The following UFL1 variants were observed in gnomAD, a reference collection of about 807,000 sequenced individuals.
UFL1 encodes E3 UFM1-protein ligase 1.
In UFL1, 78 loss-of-function variants were observed where a neutral mutation model predicts 99.3. That is an observed-to-expected ratio of 0.79 (90% CI 0.65 to 0.95). The LOEUF is 0.95. Ranked by LOEUF, UFL1 falls within the 40% of genes least tolerant of loss-of-function variation. The pLI is 0.00. For synonymous variants in UFL1, 335 were observed against 322.2 expected (o/e 1.04, Z -0.42); for missense variants, 936 against 937.0 (o/e 1.00, Z 0.01).
chr6:96,540,442 C>T, intron 10 of UFL1, 93 bp from the exon 11 acceptor site: 1 of 1,435,288 alleles, frequency 7.0e-7, no homozygotes, highest in Non-Finnish European at 9.3e-7. Context: ...GCAACAAAAC[C>T]AAACAAGAAT....
At chr6:96,530,308 C>A in intron 6 of UFL1, among the ~76,000 whole-genome samples, 1 of 152,104 alleles carries the variant, frequency 6.6e-6, no homozygotes, top group East Asian at 1.9e-4. Flanking sequence ...GCATGTTATG[C>A]ATAATTTTTC....
chr6:96,553,471 A>G lies in UFL1; in HGVS notation c.2353A>G (p.Lys785Glu). Residue 785 changes from lysine (K) to glutamate (E), a missense_variant, in exon 19 of 19, where the codon AAA becomes GAA. Coordinates refer to ENST00000369278, the MANE Select transcript of UFL1 (RefSeq NM_015323.5). Reference protein sequence around the residue: ...LSSSIKDLVLKSRKSSVTEE With the variant: ...LSSSIKDLVLESRKSSVTEE Reference sequence around the variant, plus strand: ...TTCATCCATTAAAGACCTTGTTCTCAAATCTAGGAAATCATCTGTGACGGA... The same window carrying G: ...TTCATCCATTAAAGACCTTGTTCTCGAATCTAGGAAATCATCTGTGACGGA... The G allele has an allele frequency of 6.2e-7, 1 of 1,613,506 alleles. No individual in the cohort carries two copies. The highest frequency in any genetic ancestry group is 1.3e-5 in the African/African-American group (1 of 75,028).
At chr6:96,526,295 T>C (rs1582436906) in intron 4 of UFL1, 26 bp from the exon 5 acceptor site, 1 of 1,548,772 alleles carries the variant, frequency 6.5e-7, no homozygotes, top group African/African-American at 1.4e-5. Flanking sequence ...TTCTTTTTTC[T>C]ATTATTTTCT....
At position 96,553,217 on chromosome 6, in the gene UFL1, A is replaced by G. The variant is rs1770106826; in HGVS notation, c.2167-68A>G. ...GACCTTCAATGTGTATTAGTTGAAG[A>G]AATTCTACTTTATCTGTTCCACAAA... On this transcript the variant is annotated intron_variant, in intron 18 of 18. Transcript: ENST00000369278. The G allele has an allele frequency of 2.0e-6, 3 of 1,469,782 alleles. No homozygotes were observed. The Admixed American group carries it at 6.0e-5, about 29-fold the overall frequency. The allele number at this position is 1,469,782 out of a possible 1,614,324, so 91.0% of individuals were successfully genotyped here.
At chr6:96,551,950 A>T in intron 17 of UFL1, 27 bp downstream of exon 17, 2 of 1,473,984 alleles carry the variant, frequency 1.4e-6, no homozygotes, top group Non-Finnish European at 1.9e-6. Context: ...CTATATTTGG[A>T]AATGTTCTTA....
chr6:96,537,206 T>G (rs900011878), intron 8 of UFL1, among the ~76,000 whole-genome samples, 168 bp from the exon 9 acceptor site: 2 of 151,854 alleles, frequency 1.3e-5, no homozygotes, highest in Non-Finnish European at 2.9e-5. Flanking sequence ...GATTAGAACT[T>G]TGTTATAACT....
rs1769617688 is a variant in UFL1 at position 96,521,948 on chromosome 6, G to T, written c.75G>T (p.Gln25His). Reference protein sequence around the residue: ...FQRAQFAEATQRLSERNCIEI... With the variant: ...FQRAQFAEATHRLSERNCIEI... ...GGGCGCAGTTCGCCGAGGCCACGCA[G>T]AGGTGCCCGACCCTCCCTCTCCTTT... Residue 25 changes from glutamine to histidine, a missense_variant and splice_region_variant, in exon 1 of 19, where the codon CAG becomes CAT. Coordinates refer to ENST00000369278, the MANE Select transcript of UFL1 (RefSeq NM_015323.5). 1 of 1,611,422 alleles carries T rather than the reference G, an allele frequency of 6.2e-7. No homozygotes were observed. The highest frequency in any genetic ancestry group is 1.7e-5 in the Admixed American group (1 of 59,878).
rs1311046137 is a variant in UFL1, at chr6:96,549,595, T to C, written c.1687+17T>C. The stretch of plus-strand genomic sequence containing the variant: ...TTTTTGCAGGTATACTTAATCTTTG[T>C]TAATCTTGTTTTTTCATTGATTTTC... On this transcript the variant is annotated intron_variant, in intron 14 of 18. Transcript: ENST00000369278. 1 of 1,594,370 alleles carries C rather than the reference T, an allele frequency of 6.3e-7. No individual in the cohort carries two copies. The highest frequency in any genetic ancestry group is 1.4e-5 in the African/African-American group (1 of 73,398).
chr6:96,530,300 A>G lies in UFL1; in HGVS notation c.596+1668A>G, dbSNP rs118166562. Reference sequence around the variant, plus strand: ...CATGTTATACCTATTTGTGTTATGCATGTTATGCATAATTTTTCATATTCA... The same window carrying G: ...CATGTTATACCTATTTGTGTTATGCGTGTTATGCATAATTTTTCATATTCA... On this transcript the variant is annotated intron_variant, in intron 6 of 18. Coordinates refer to ENST00000369278, the MANE Select transcript of UFL1 (RefSeq NM_015323.5). Among the ~76,000 whole-genome samples, 1,381 of 152,284 alleles carry G rather than the reference A, an allele frequency of 9.1e-3. 13 individuals carry two copies. Among genetic ancestry groups the G allele is most frequent in the Non-Finnish European group, 0.014 (960 of 68,016 alleles).
chr6:96,527,458 A>G (rs933384481), intron 5 of UFL1, among the ~76,000 whole-genome samples: 18 of 152,160 alleles, frequency 1.2e-4, no homozygotes, highest in African/African-American at 3.9e-4. Flanking sequence ...AGAAACTCCA[A>G]CTTGCAAAAT....
In UFL1 at chr6:96,523,179, T is replaced by C; in HGVS notation, c.111T>C (p.Asn37=). The C allele has an allele frequency of 6.2e-7, 1 of 1,612,872 alleles. No homozygotes were observed. Among genetic ancestry groups the C allele is most frequent in the South Asian group, 1.1e-5 (1 of 90,768 alleles). ...AGCGGAACTGCATTGAGATTGTTAA[T>C]AAATTGATTGCTCAGAAACAGCTAG... is the stretch of plus-strand genomic sequence containing the variant. The part of the protein sequence containing the change: ...LSERNCIEIV[N]KLIAQKQLEV... The change falls in exon 2 of 19, where the codon AAT becomes AAC. Residue 37 remains asparagine (N), a synonymous_variant. Transcript: ENST00000369278.
In UFL1 at chr6:96,542,924, G is replaced by C; in HGVS notation, c.1310G>C (p.Gly437Ala). The C allele has an allele frequency of 6.3e-7, 1 of 1,597,628 alleles. No homozygotes were observed. The highest frequency in any genetic ancestry group is 2.3e-5 in the East Asian group (1 of 44,096). Residue 437 changes from glycine to alanine, a missense_variant, in exon 12 of 19, where the codon GGG becomes GCG. Physicochemically the swap from Gly to Ala is moderately conservative, Grantham distance 60. Coordinates refer to ENST00000369278, the MANE Select transcript of UFL1 (RefSeq NM_015323.5). ...AGTGGAAGCATGAGAGGAGGAGGTGGGGGCAATGCCAGAGAGTACAAAATT... is the reference window on the plus strand; with the variant it reads ...AGTGGAAGCATGAGAGGAGGAGGTGCGGGCAATGCCAGAGAGTACAAAATT... ...EGSGSMRGGG[G>A]GNAREYKIKK...
chr6:96,531,238 T>C (rs988357906), intron 6 of UFL1, among the ~76,000 whole-genome samples: 1 of 146,122 alleles, frequency 6.8e-6, no homozygotes, highest in Non-Finnish European at 1.5e-5. Flanking sequence ...AACTAGGAGA[T>C]ACATATACAC....
Position 96,535,448 on chromosome 6 carries a change from G to A in UFL1, c.656-796G>A, listed in dbSNP as rs552110723. 4.6e-5 allele frequency among the ~76,000 whole-genome samples: 7 copies of A among 152,090 alleles called. No individual in the cohort carries two copies. The East Asian group carries it at 9.7e-4, about 21-fold the overall frequency. On this transcript the variant is annotated intron_variant, in intron 7 of 18. Coordinates refer to ENST00000369278, the MANE Select transcript of UFL1 (RefSeq NM_015323.5). ...TATTAATGGCAGCACCTTCCGCTTC[G>A]TGGTGGTGGTGATGGTAGTGATATT...
In UFL1 at chr6:96,526,391, G is replaced by T; in HGVS notation, c.421G>T (p.Glu141Ter). 1 of 1,613,480 alleles carries T rather than the reference G, an allele frequency of 6.2e-7. No individual in the cohort carries two copies. The highest frequency in any genetic ancestry group is 8.5e-7 in the Non-Finnish European group (1 of 1,179,778). ...AGAAAGTGGTCAGGTCACCATATCA[G>T]AACTGTGTAAAACTTATGATCTTCC... ...LQESGQVTIS[E>*]LCKTYDLPGN... The change falls in exon 5 of 19, where the codon GAA becomes TAA. Residue 141 changes from glutamate to a stop codon, truncating the protein, a stop_gained. Transcript: ENST00000369278. LOFTEE classifies it high-confidence loss of function.
At chr6:96,547,263 A>G (rs368060881) in intron 12 of UFL1, among the ~76,000 whole-genome samples, 8 of 151,864 alleles carry the variant, frequency 5.3e-5, no homozygotes, top group African/African-American at 1.9e-4. Flanking sequence ...AACTAAAACC[A>G]CAATATATCA....
At chr6:96,546,728 T>C (rs1004790025) in intron 12 of UFL1, among the ~76,000 whole-genome samples, 1 of 151,624 alleles carries the variant, frequency 6.6e-6, no homozygotes, top group African/African-American at 2.4e-5. Context: ...TACAACCAAC[T>C]GATCTTGGAC....
chr6:96,525,322 T>C lies in UFL1; in HGVS notation c.278T>C (p.Ile93Thr), dbSNP rs1390731610. ...QQVINVDLIH[I>T]ENRIGDIIKS... is the part of the protein sequence containing the mutation. ...GTAATTAATGTGGACCTGATTCATA[T>C]TGAAAATAGAATTGGTGACATTATT... The change falls in exon 4 of 19, where the codon ATT (isoleucine) becomes ACT (threonine). Residue 93 changes from isoleucine to threonine, a missense_variant. By Grantham distance (89) the Ile-to-Thr change is moderately conservative. Coordinates refer to ENST00000369278, the MANE Select transcript of UFL1 (RefSeq NM_015323.5). 4 of 1,608,612 alleles carry C rather than the reference T, an allele frequency of 2.5e-6. No individual in the cohort carries two copies. The highest frequency in any genetic ancestry group is 2.2e-5 in the East Asian group (1 of 44,582).
intron 3 of UFL1, among the ~76,000 whole-genome samples, 153 bp from the exon 4 acceptor site, chr6:96,525,144 C>T (rs1360466896): frequency 1.3e-5 from 2 of 151,206 alleles, no homozygotes; most frequent in Non-Finnish European, 2.9e-5. Flanking sequence ...CTGAAGGGAT[C>T]CTCCCGCCTC....
Sources: allele counts gnomAD v4.1 joint callset (sites outside exome capture counted in the v4.1 genomes callset), GRCh38; gene constraint gnomAD v4.1.1; transcripts MANE v1.5; gene names NCBI Gene and HGNC (gene_info 2026-07-23, HGNC 2026-07-21).